Variants in CPPED1 observed in about 807,000 individuals in gnomAD.
The protein encoded by CPPED1 is calcineurin like phosphoesterase domain containing 1, also known as serine/threonine-protein phosphatase CPPED1.
A neutral mutation model predicts 28.0 loss-of-function variants in CPPED1; 28 were observed. The observed-to-expected ratio is 1.00, with a 90% CI of 0.74 to 1.37. The LOEUF is 1.37. Among genes scored for constraint, CPPED1 ranks in the 40% most tolerant of loss-of-function variants. The probability of loss-of-function intolerance (pLI) is 0.00; values close to 1 mark genes in which losing one functional copy is unlikely to be tolerated. For missense variants in CPPED1, 504 were observed against 416.5 expected (o/e 1.21, Z -1.83); for synonymous variants, 198 against 180.2 (o/e 1.10, Z -0.79).
At chr16:12,708,216 A>T (rs905038434) in intron 2 of CPPED1, among the ~76,000 whole-genome samples, 3 of 152,054 alleles carry the variant, frequency 2.0e-5, no homozygotes, top group African/African-American at 7.2e-5. Flanking sequence ...AGCTTTTCCA[A>T]CACTTTCTAT....
chr16:12,689,987 A>G (rs2079953880), intron 3 of CPPED1, among the ~76,000 whole-genome samples: 1 of 152,238 alleles, frequency 6.6e-6, no homozygotes, highest in African/African-American at 2.4e-5. Flanking sequence ...ATCAAACACA[A>G]GTTGAAATTA....
At chr16:12,795,582 C>G (rs912918916) in intron 1 of CPPED1, among the ~76,000 whole-genome samples, 1 of 152,142 alleles carries the variant, frequency 6.6e-6, no homozygotes, top group Non-Finnish European at 1.5e-5. Context: ...TCAAGCGATC[C>G]ACTCGCCTCA....
intron 2 of CPPED1, among the ~76,000 whole-genome samples, chr16:12,769,838 C>T (rs573550264): frequency 6.6e-6 from 1 of 152,322 alleles, no homozygotes; most frequent in East Asian, 1.9e-4. Context: ...ATAGAACTCC[C>T]TTTTTATGTT....
chr16:12,748,756 G>A (rs955349913), intron 2 of CPPED1, among the ~76,000 whole-genome samples: 12 of 151,818 alleles, frequency 7.9e-5, no homozygotes, highest in African/African-American at 1.5e-4. Flanking sequence ...GGTGGTGCAC[G>A]CCTATAATCC....
chr16:12,688,820 A>T (rs1425805186), intron 3 of CPPED1, among the ~76,000 whole-genome samples: 1 of 152,210 alleles, frequency 6.6e-6, no homozygotes, highest in African/African-American at 2.4e-5. Flanking sequence ...ATGTAAAGAC[A>T]AATATAACAC....
chr16:12,764,723 C>T (rs1167886280), intron 2 of CPPED1, among the ~76,000 whole-genome samples: 2 of 152,312 alleles, frequency 1.3e-5, no homozygotes, highest in Non-Finnish European at 1.5e-5. Context: ...CTAACTCAAC[C>T]ACCTCCCACC....
intron 2 of CPPED1, among the ~76,000 whole-genome samples, chr16:12,756,581 C>T (rs1040837511): frequency 1.3e-5 from 2 of 152,050 alleles, no homozygotes; most frequent in African/African-American, 4.8e-5. Context: ...GTGGAGCACA[C>T]CTGTCATCCC....
intron 3 of CPPED1, among the ~76,000 whole-genome samples, chr16:12,691,591 A>C (rs1444129692): frequency 6.6e-6 from 1 of 152,198 alleles, no homozygotes; most frequent in Non-Finnish European, 1.5e-5. Flanking sequence ...AGACTGGATT[A>C]AGAAAATGTG....
chr16:12,736,345 G>A (rs527668445), intron 2 of CPPED1, among the ~76,000 whole-genome samples: 5 of 151,328 alleles, frequency 3.3e-5, no homozygotes, highest in South Asian at 2.1e-4. Flanking sequence ...TCCCAGGTTC[G>A]AGTGATTCTC....
At chr16:12,801,807 T>A (rs2080661490) in intron 1 of CPPED1, among the ~76,000 whole-genome samples, 1 of 152,114 alleles carries the variant, frequency 6.6e-6, no homozygotes. Flanking sequence ...GGGGGTTGGG[T>A]GGACGAAACC....
chr16:12,745,069 T>C (rs931076653), intron 2 of CPPED1, among the ~76,000 whole-genome samples: 9 of 151,598 alleles, frequency 5.9e-5, no homozygotes, highest in South Asian at 4.2e-4. Context: ...AAAGGAAATA[T>C]AGAGGGGGAA....
rs147744411 is a variant in CPPED1 at position 12,715,079 on chromosome 16, C to T, written c.290-10030G>A. 7.1e-3 allele frequency among the ~76,000 whole-genome samples: 1,080 copies of T among 152,086 alleles called. 18 individuals are homozygous for T. The highest frequency in any genetic ancestry group is 0.023 in the African/African-American group (967 of 41,490). ...CCCTTTCCCCATTGAATTGTCTTGG[C>T]GCCCTTGTCAAAAATCCATTGACCC... On this transcript the variant is annotated intron_variant, in intron 2 of 3. Coordinates refer to ENST00000381774, the MANE Select transcript of CPPED1 (RefSeq NM_018340.3).
intron 2 of CPPED1, among the ~76,000 whole-genome samples, chr16:12,714,922 T>C (rs2080099410): frequency 1.3e-5 from 2 of 151,932 alleles, no homozygotes; most frequent in African/African-American, 4.8e-5. Flanking sequence ...GTTTTCTAGT[T>C]TTAGCTCTTC....
Position 12,781,351 on chromosome 16 carries a change from T to C in CPPED1, c.123A>G (p.Pro41=), listed in dbSNP as rs754314824. The part of the protein sequence containing the change: ...GPFYFILGAD[P]QFGLIKAWST... ...ACCAGGCCTTGATCAGCCCAAACTGTGGGTCTGCGCCCAGGATGAAGTAGA... is the reference window on the plus strand; with the variant it reads ...ACCAGGCCTTGATCAGCCCAAACTGCGGGTCTGCGCCCAGGATGAAGTAGA... Residue 41 remains proline, a synonymous_variant, in exon 2 of 4, where the codon CCA becomes CCG. Coordinates refer to ENST00000381774, the MANE Select transcript of CPPED1 (RefSeq NM_018340.3). 4.3e-6 allele frequency: 7 copies of C among 1,614,048 alleles called. No individual in the cohort carries two copies. In the African/African-American group the frequency reaches 6.7e-5, roughly 15 times the overall value.
intron 1 of CPPED1, among the ~76,000 whole-genome samples, chr16:12,790,401 T>C (rs1426996463): frequency 6.6e-6 from 1 of 152,184 alleles, no homozygotes; most frequent in African/African-American, 2.4e-5. Flanking sequence ...TATTACCAGT[T>C]AAGCAATGAC....
intron 2 of CPPED1, among the ~76,000 whole-genome samples, chr16:12,730,124 G>A (rs1338855650): frequency 6.6e-6 from 1 of 152,080 alleles, no homozygotes; most frequent in Non-Finnish European, 1.5e-5. Flanking sequence ...AGCCTCCCGA[G>A]TTGCTGGGAT....
At chr16:12,693,387 G>A (rs142904896) in intron 3 of CPPED1, among the ~76,000 whole-genome samples, 45 of 152,232 alleles carry the variant, frequency 3.0e-4, no homozygotes, top group African/African-American at 1.0e-3. Context: ...TGTAGAGACA[G>A]GTTTCACCAT....
chr16:12,803,493 G>A (rs543211825), intron 1 of CPPED1, among the ~76,000 whole-genome samples: 250 of 152,348 alleles, frequency 1.6e-3, no homozygotes, highest in African/African-American at 5.7e-3. Context: ...AGGCCAAGGA[G>A]GCTCCTAGAC....
chr16:12,672,648 G>A (rs1487626884), intron 3 of CPPED1, among the ~76,000 whole-genome samples: 3 of 152,170 alleles, frequency 2.0e-5, no homozygotes, highest in African/African-American at 7.2e-5. Context: ...TATAGTGGTG[G>A]CTCCAGGTGA....
Sources: gnomAD v4.1 joint callset for allele counts (sites outside exome capture counted in the v4.1 genomes callset) on GRCh38, gnomAD v4.1.1 for gene constraint, MANE v1.5 for transcripts, NCBI Gene and HGNC (gene_info 2026-07-23, HGNC 2026-07-21) for gene names.